The following TMCO5A variants were observed in gnomAD, a reference collection of about 807,000 sequenced individuals.
TMCO5A encodes transmembrane and coiled-coil domains 5A.
In TMCO5A, 34 loss-of-function variants were observed where a neutral mutation model predicts 42.3. The ratio of observed to expected loss-of-function variants is 0.80; its 90% CI spans 0.61 to 1.07. The LOEUF (loss-of-function observed/expected upper bound fraction) is 1.07, where lower values mean the gene tolerates loss of function less well. Ranked by LOEUF, TMCO5A falls within the 50% of genes least tolerant of loss-of-function variation. TMCO5A has a pLI of 0.00. For missense variants in TMCO5A, 357 were observed against 327.9 expected (o/e 1.09, Z -0.69); for synonymous variants, 131 against 115.6 (o/e 1.13, Z -0.86).
At chr15:37,940,164 TA>T (rs1281711251) in intron 6 of TMCO5A, among the ~76,000 whole-genome samples, 1 of 152,300 alleles carries the variant, frequency 6.6e-6, no homozygotes, top group African/African-American at 2.4e-5. Context: ...GGCTATTCTC[TA>T]AAAACACAAA....
intron 11 of TMCO5A, among the ~76,000 whole-genome samples, chr15:37,965,026 A>G (rs1285405704): frequency 6.6e-6 from 1 of 152,230 alleles, no homozygotes; most frequent in Non-Finnish European, 1.5e-5. Context: ...CTACAGAGCT[A>G]TAGTGACCAA....
chr15:38,012,247 T>A, the TMCO5A span, among the ~76,000 whole-genome samples: 1 of 152,172 alleles, frequency 6.6e-6, no homozygotes, highest in Non-Finnish European at 1.5e-5. Flanking sequence ...TTGCTCTCAA[T>A]GGTCACTCCA....
intron 10 of TMCO5A, among the ~76,000 whole-genome samples, chr15:37,947,189 C>T (rs949105717): frequency 2.6e-5 from 4 of 151,974 alleles, no homozygotes; most frequent in African/African-American, 4.8e-5. Flanking sequence ...AACTTGCATC[C>T]CAGGGATAAA....
chr15:38,036,534 CACT>C, the TMCO5A span, among the ~76,000 whole-genome samples: 4 of 151,492 alleles, frequency 2.6e-5, no homozygotes, highest in East Asian at 3.9e-4. Context: ...ACACTCTACA[CACT>C]ACACTTCAGT....
chr15:38,030,608 A>G, the TMCO5A span, among the ~76,000 whole-genome samples: 10 of 152,038 alleles, frequency 6.6e-5, no homozygotes, highest in Non-Finnish European at 1.0e-4. Flanking sequence ...ATAAACTTCA[A>G]ACTCCTTAGC....
chr15:37,949,396 G>C lies in TMCO5A; in HGVS notation c.669-1640G>C, dbSNP rs370076877. Among the ~76,000 whole-genome samples the C allele has an allele frequency of 6.6e-5, 10 of 152,214 alleles. No individual in the cohort carries two copies. The East Asian group carries it at 1.5e-3, about 24-fold the overall frequency. On this transcript the variant is annotated intron_variant, in intron 11 of 11. Coordinates refer to ENST00000319669, the MANE Select transcript of TMCO5A (RefSeq NM_152453.4). ...AGAATAAAGGGTCAAGAATAACCTG[G>C]ACAGTTTTAAAGAGCACGGAGTGGG...
chr15:38,025,596 T>G, the TMCO5A span, among the ~76,000 whole-genome samples: 1 of 152,150 alleles, frequency 6.6e-6, no homozygotes, highest in Non-Finnish European at 1.5e-5. Context: ...TCAGATAAAA[T>G]ACATGTTTTT....
At chr15:37,974,925 T>C in the TMCO5A span, among the ~76,000 whole-genome samples, 1 of 152,206 alleles carries the variant, frequency 6.6e-6, no homozygotes, top group Non-Finnish European at 1.5e-5. Context: ...GTCCTAGAGA[T>C]TCTGGTATGT....
At chr15:37,989,553 A>G in the TMCO5A span, among the ~76,000 whole-genome samples, 2 of 151,794 alleles carry the variant, frequency 1.3e-5, no homozygotes, top group Admixed American at 1.3e-4. Flanking sequence ...TTCATCTTGG[A>G]TACATTGGTT....
At chr15:38,033,872 C>G in the TMCO5A span, among the ~76,000 whole-genome samples, 2 of 152,198 alleles carry the variant, frequency 1.3e-5, no homozygotes, top group African/African-American at 4.8e-5. Flanking sequence ...CCTCAGCCTT[C>G]CAAAGTGCTG....
At chr15:38,015,275 C>A in the TMCO5A span, among the ~76,000 whole-genome samples, 5 of 152,184 alleles carry the variant, frequency 3.3e-5, no homozygotes, top group African/African-American at 1.2e-4. Flanking sequence ...ATCACAGGAA[C>A]TTTCCAATTA....
intron 2 of TMCO5A, 121 bp from the exon 3 acceptor site, chr15:37,936,193 G>C (rs1489853531): frequency 9.0e-7 from 1 of 1,113,000 alleles, no homozygotes; most frequent in Non-Finnish European, 1.2e-6. Flanking sequence ...GAATGAAAAT[G>C]GTATGCCCCC....
the TMCO5A span, among the ~76,000 whole-genome samples, chr15:38,007,872 C>CTTTTTTTTTT: frequency 3.8e-4 from 18 of 47,406 alleles, 5 homozygotes; most frequent in Admixed American, 1.2e-3. Context: ...CTCACCCACA[C>CTTTTTTTTTT]TTTTTTTTTT....
chr15:37,944,782 T>C (rs1889876775), intron 10 of TMCO5A, among the ~76,000 whole-genome samples: 1 of 152,004 alleles, frequency 6.6e-6, no homozygotes, highest in Admixed American at 6.6e-5. Flanking sequence ...ACAAGGAAGG[T>C]TAAAGGACAA....
the TMCO5A span, among the ~76,000 whole-genome samples, chr15:38,023,164 G>C: frequency 6.6e-6 from 1 of 152,264 alleles, no homozygotes; most frequent in African/African-American, 2.4e-5. Context: ...AATCGAAGCA[G>C]TGTGGCACAG....
chr15:38,038,726 T>A, the TMCO5A span, among the ~76,000 whole-genome samples: 1 of 152,168 alleles, frequency 6.6e-6, no homozygotes, highest in Admixed American at 6.5e-5. Flanking sequence ...AAAATTTCAG[T>A]GATGCTTGAA....
chr15:37,997,285 G>A, the TMCO5A span, among the ~76,000 whole-genome samples: 2 of 152,194 alleles, frequency 1.3e-5, no homozygotes, highest in African/African-American at 4.8e-5. Context: ...TTGTTTTAAT[G>A]TGTAGTTGTT....
chr15:37,965,691 A>C (rs1890539246), intron 11 of TMCO5A, among the ~76,000 whole-genome samples: 1 of 152,214 alleles, frequency 6.6e-6, no homozygotes, highest in Non-Finnish European at 1.5e-5. Flanking sequence ...AGAAATGCAA[A>C]TCAAAACTAC....
intron 10 of TMCO5A, chr15:37,944,018 A>C (rs1184059820): frequency 2.0e-5 from 3 of 152,252 alleles, no homozygotes; most frequent in Admixed American, 2.0e-4. Context: ...AAAAGGTTAA[A>C]GTTAAACTTT....
Sources: gnomAD v4.1 joint callset for allele counts (sites outside exome capture counted in the v4.1 genomes callset) on GRCh38, gnomAD v4.1.1 for gene constraint, MANE v1.5 for transcripts, NCBI Gene and HGNC (gene_info 2026-07-23, HGNC 2026-07-21) for gene names.